Variants in EFCAB13 observed in about 807,000 individuals in gnomAD.
The protein encoded by EFCAB13 is EF-hand calcium binding domain 13.
EFCAB13 carries 91 observed loss-of-function variants against 110.2 expected under a neutral mutation model. The observed-to-expected ratio is 0.83, with a 90% CI of 0.70 to 0.98. EFCAB13 has a LOEUF of 0.98. EFCAB13 is among the 50% of genes least tolerant of loss of function. EFCAB13 has a pLI of 0.00. For missense variants in EFCAB13, 968 were observed against 1,119.4 expected, an observed-to-expected ratio of 0.86 and a Z score of 1.93; for synonymous variants, 323 against 369.9, an observed-to-expected ratio of 0.87 and a Z score of 1.45.
At chr17:47,395,142 G>A (rs955836360) in intron 16 of EFCAB13, among the ~76,000 whole-genome samples, 4 of 151,852 alleles carry the variant, frequency 2.6e-5, no homozygotes, top group East Asian at 3.8e-4. Context: ...TCTTGCCTCC[G>A]TGTACTTTTG....
At chr17:47,347,996 A>G (rs768541553) in intron 9 of EFCAB13, 45 bp downstream of exon 9, 2 of 1,314,616 alleles carry the variant, frequency 1.5e-6, no homozygotes, top group African/African-American at 3.0e-5. Flanking sequence ...CTGCAATCAT[A>G]AATATGTTTG....
chr17:47,390,914 G>GTCTGTCTATCTATCTA (rs150041083), intron 14 of EFCAB13, among the ~76,000 whole-genome samples: 50 of 150,264 alleles, frequency 3.3e-4, no homozygotes, highest in African/African-American at 2.7e-4. Context: ...GTGTCTGTCT[G>GTCTGTCTATCTATCTA]TCTATCTATC....
At chr17:47,395,811 C>A in intron 16 of EFCAB13, 23 bp from the exon 17 acceptor site, 1 of 1,555,926 alleles carries the variant, frequency 6.4e-7, no homozygotes, top group Non-Finnish European at 8.7e-7. Context: ...ATTCGTAAAA[C>A]TTGTGTTTTA....
chr17:47,335,654 G>A (rs1224678439), intron 5 of EFCAB13, among the ~76,000 whole-genome samples: 1 of 152,146 alleles, frequency 6.6e-6, no homozygotes, highest in African/African-American at 2.4e-5. Flanking sequence ...ATTGCTCATG[G>A]TTCTGCAGAC....
chr17:47,339,846 T>G (rs1366538139), intron 5 of EFCAB13: 1 of 152,200 alleles, frequency 6.6e-6, no homozygotes, highest in Non-Finnish European at 1.5e-5. Flanking sequence ...ATACCATTTC[T>G]TATTAAAAGG....
intron 4 of EFCAB13, among the ~76,000 whole-genome samples, chr17:47,332,980 G>A (rs575417940): frequency 2.0e-5 from 3 of 152,226 alleles, no homozygotes; most frequent in Non-Finnish European, 4.4e-5. Flanking sequence ...AGTTTTTGAG[G>A]AACCTCCATA....
chr17:47,417,248 C>G (rs139793517), intron 23 of EFCAB13, among the ~76,000 whole-genome samples: 2 of 152,280 alleles, frequency 1.3e-5, no homozygotes, highest in African/African-American at 2.4e-5. Context: ...TTTGCTATCT[C>G]AGGAGTGGGA....
intron 2 of EFCAB13, among the ~76,000 whole-genome samples, 184 bp from the exon 3 acceptor site, chr17:47,326,042 C>T (rs779712933): frequency 1.5e-4 from 22 of 148,356 alleles, no homozygotes; most frequent in Middle Eastern, 3.6e-3. Flanking sequence ...CAGACATATA[C>T]GTTGAATTCA....
intron 14 of EFCAB13, among the ~76,000 whole-genome samples, chr17:47,382,263 C>T (rs896786413): frequency 1.8e-4 from 28 of 152,204 alleles, no homozygotes; most frequent in African/African-American, 6.0e-4. Flanking sequence ...TGGGCTGAGA[C>T]GATGGGGTTT....
intron 10 of EFCAB13, among the ~76,000 whole-genome samples, chr17:47,367,716 T>C (rs1320334432): frequency 6.6e-6 from 1 of 152,156 alleles, no homozygotes; most frequent in Admixed American, 6.5e-5. Context: ...CTCCAGGCCA[T>C]CGACTTTCAG....
rs1021164548 is a variant in EFCAB13, at chr17:47,365,604, A to G, written c.805+4083A>G. 3.3e-5 allele frequency among the ~76,000 whole-genome samples: 5 copies of G among 152,226 alleles called. 1 individual carries two copies. In the South Asian group the frequency reaches 8.3e-4, roughly 25 times the overall value. ...AACCATAGAACTTTAGGACTATAGTATGTAGTTGCTTGCTGTGCTTCTTAA... is the reference window on the plus strand; with the variant it reads ...AACCATAGAACTTTAGGACTATAGTGTGTAGTTGCTTGCTGTGCTTCTTAA... On this transcript the variant is annotated intron_variant, in intron 10 of 24. Transcript: ENST00000331493.
Position 47,347,840 on chromosome 17 carries a change from A to T in EFCAB13, c.550A>T (p.Ile184Phe). Reference protein sequence around the residue: ...LHKACKIFSKIRSGKIYVNDL... With the variant: ...LHKACKIFSKFRSGKIYVNDL... ...TAAAGCCTGTAAAATTTTTAGTAAA[A>T]TTCGAAGTGGTAAGATTTATGTGAA... The change falls in exon 9 of 25, where the codon ATT becomes TTT. Residue 184 changes from isoleucine (I) to phenylalanine (F), a missense_variant. Physicochemically the swap from Ile to Phe is conservative, Grantham distance 21. Transcript: ENST00000331493. 1 of 1,525,678 alleles carries T rather than the reference A, an allele frequency of 6.6e-7. No individual in the cohort carries two copies. Among genetic ancestry groups the T allele is most frequent in the Non-Finnish European group, 8.9e-7 (1 of 1,123,794 alleles). The allele number at this position is 1,525,678 out of a possible 1,614,324, so 94.5% of individuals were successfully genotyped here. A position where few individuals can be genotyped will look rare whatever the true frequency, so the allele number is the denominator to read the frequency against.
chr17:47,422,081 T>C (rs1443258069), intron 23 of EFCAB13, among the ~76,000 whole-genome samples: 1 of 152,182 alleles, frequency 6.6e-6, no homozygotes, highest in Non-Finnish European at 1.5e-5. Context: ...AATCTAGTGA[T>C]ATATAAAAAG....
chr17:47,366,328 T>TC (rs936118469), intron 10 of EFCAB13, among the ~76,000 whole-genome samples: 7 of 150,900 alleles, frequency 4.6e-5, no homozygotes, highest in South Asian at 2.1e-4. Context: ...TTTTTTTTTT[T>TC]CTCTCATGGA....
At chr17:47,327,107 T>C (rs944398594) in intron 3 of EFCAB13, among the ~76,000 whole-genome samples, 1 of 152,230 alleles carries the variant, frequency 6.6e-6, no homozygotes, top group African/African-American at 2.4e-5. Context: ...ATTTGCATAA[T>C]GTGAAAGTCT....
intron 9 of EFCAB13, among the ~76,000 whole-genome samples, chr17:47,351,303 G>GTGTGTGTGTGTGTGCGCGCGCA (rs1414624595): frequency 1.3e-4 from 13 of 101,380 alleles, no homozygotes; most frequent in Non-Finnish European, 4.7e-5. Flanking sequence ...GTGTGTGTGT[G>GTGTGTGTGTGTGTGCGCGCGCA]TGCGCGCGCG....
At chr17:47,419,950 C>T (rs1221665982) in intron 23 of EFCAB13, among the ~76,000 whole-genome samples, 1 of 152,024 alleles carries the variant, frequency 6.6e-6, no homozygotes, top group African/African-American at 2.4e-5. Flanking sequence ...CTCCCTCTCC[C>T]CACGGTCTCC....
chr17:47,397,448 G>A (rs1598749325), intron 17 of EFCAB13, among the ~76,000 whole-genome samples: 1 of 137,256 alleles, frequency 7.3e-6, no homozygotes, highest in Non-Finnish European at 1.6e-5. Flanking sequence ...TCTGGGAAGT[G>A]AGGAGCGTCT....
chr17:47,330,649 GA>G (rs2065314564), intron 4 of EFCAB13, among the ~76,000 whole-genome samples: 1 of 152,056 alleles, frequency 6.6e-6, no homozygotes, highest in Non-Finnish European at 1.5e-5. Context: ...TTTTATGGGT[GA>G]GTAGTATTCC....
Sources: allele counts gnomAD v4.1 joint callset (sites outside exome capture counted in the v4.1 genomes callset), GRCh38; gene constraint gnomAD v4.1.1; transcripts MANE v1.5; gene names NCBI Gene and HGNC (gene_info 2026-07-23, HGNC 2026-07-21).